UTRN: variants seen among roughly 807,000 people sequenced by gnomAD.
The protein encoded by UTRN is dystrophin-related protein 1.
Under a neutral mutation model 463.9 loss-of-function variants are expected in UTRN, and 283 were observed. That is an observed-to-expected ratio of 0.61 (90% confidence interval 0.55 to 0.67). The LOEUF (loss-of-function observed/expected upper bound fraction) is 0.67. Among genes scored for constraint, UTRN ranks in the 30% least tolerant of loss-of-function variants. The pLI is 0.00. For missense variants in UTRN, 3,922 were observed against 4,084.3 expected (o/e 0.96, Z 1.08); for synonymous variants, 1,442 against 1,431.5 (o/e 1.01, Z -0.17).
Position 144,765,499 on chromosome 6 carries a change from A to T in UTRN, c.8496-6408A>T, listed in dbSNP as rs149294289. Among the ~76,000 whole-genome samples the T allele has an allele frequency of 5.4e-3, 818 of 152,214 alleles. 5 individuals are homozygous for T. The highest frequency in any genetic ancestry group is 0.014 in the Middle Eastern group (4 of 294). On this transcript the variant is annotated intron_variant, in intron 58 of 74. Transcript: ENST00000367545. The stretch of plus-strand genomic sequence containing the variant: ...TGCAACCATGGCTCATTGCAGTCTT[A>T]TACTCCTGGCCTCAAGTGAACCTCC...
At position 144,539,293 on chromosome 6, in the gene UTRN, G is replaced by A; in HGVS notation, c.6370-1G>A. ...CCACACCTATCTTTTAACTTCTCCA[G>A]GACTTAACTCAAGAAATGGAAGTAC... On this transcript the variant is annotated splice_acceptor_variant, in intron 44 of 74. Coordinates refer to ENST00000367545, the MANE Select transcript of UTRN (RefSeq NM_007124.3). LOFTEE classifies it high-confidence loss of function. 6.2e-7 allele frequency: 1 copy of A among 1,606,828 alleles called. No homozygotes were observed. The highest frequency in any genetic ancestry group is 8.5e-7 in the Non-Finnish European group (1 of 1,176,460).
rs200829309 is a variant in UTRN at position 144,577,167 on chromosome 6, A to G, written c.7358A>G (p.Glu2453Gly). Residue 2453 changes from glutamate (E) to glycine (G), a missense_variant, in exon 51 of 75, where the codon GAA becomes GGA. By Grantham distance (98) the Glu-to-Gly change is moderately conservative. Transcript: ENST00000367545. ...GTGCAGGCCTCTCGCAGAGATCTGG[A>G]AAACTTCCTGAAGTGGATCCAAGAA... ...RTVQASRRDL[E>G]NFLKWIQEAE... 7.0e-5 allele frequency: 113 copies of G among 1,613,920 alleles called. No homozygotes were observed. Among genetic ancestry groups the G allele is most frequent in the Admixed American group, 1.0e-4 (6 of 59,980 alleles).
At chr6:144,315,772 G>T (rs1052214197) in intron 2 of UTRN, among the ~76,000 whole-genome samples, 1 of 152,186 alleles carries the variant, frequency 6.6e-6, no homozygotes, top group African/African-American at 2.4e-5. Flanking sequence ...ACAGATTTCA[G>T]GCAGCTTGGC....
chr6:144,695,524 T>G (rs1444516808), intron 52 of UTRN, among the ~76,000 whole-genome samples: 11 of 152,086 alleles, frequency 7.2e-5, no homozygotes. Flanking sequence ...TTTGTATTTT[T>G]AGTAGAGACG....
At chr6:144,773,059 A>G (rs1225107201) in intron 59 of UTRN, among the ~76,000 whole-genome samples, 1 of 152,116 alleles carries the variant, frequency 6.6e-6, no homozygotes, top group African/African-American at 2.4e-5. Flanking sequence ...AGTTTGTAAA[A>G]TGAGGGGGCA....
chr6:144,387,814 C>T (rs1781546197), intron 2 of UTRN, among the ~76,000 whole-genome samples: 2 of 152,182 alleles, frequency 1.3e-5, no homozygotes, highest in South Asian at 4.1e-4. Context: ...TGAGTGTTGG[C>T]ATCTACAGTA....
intron 14 of UTRN, among the ~76,000 whole-genome samples, chr6:144,445,745 C>A (rs1043035121): frequency 6.6e-6 from 1 of 151,962 alleles, no homozygotes; most frequent in African/African-American, 2.4e-5. Flanking sequence ...AATTTTACTT[C>A]AATAATGACA....
At chr6:144,732,214 T>G (rs974525152) in intron 54 of UTRN, among the ~76,000 whole-genome samples, 1 of 92,304 alleles carries the variant, frequency 1.1e-5, no homozygotes, top group Non-Finnish European at 2.0e-5. Context: ...GTACTCTGTT[T>G]TATATATATA....
chr6:144,824,535 A>G (rs2128754515), intron 66 of UTRN, among the ~76,000 whole-genome samples: 1 of 112,712 alleles, frequency 8.9e-6, no homozygotes, highest in South Asian at 3.4e-4. Flanking sequence ...ATACACAAAT[A>G]TAATACATAT....
intron 45 of UTRN, among the ~76,000 whole-genome samples, 166 bp from the exon 46 acceptor site, chr6:144,542,629 G>A (rs1293428176): frequency 6.6e-6 from 1 of 152,138 alleles, no homozygotes; most frequent in African/African-American, 2.4e-5. Context: ...TGGAGTTAGG[G>A]GCTCAAACAA....
chr6:144,418,245 G>A (rs1347006059), intron 3 of UTRN, among the ~76,000 whole-genome samples: 2 of 142,528 alleles, frequency 1.4e-5, no homozygotes, highest in African/African-American at 2.6e-5. Flanking sequence ...ATGGAGTCTC[G>A]CTCTGTCACC....
intron 2 of UTRN, among the ~76,000 whole-genome samples, chr6:144,293,217 G>A (rs1804400394): frequency 6.6e-6 from 1 of 152,126 alleles, no homozygotes; most frequent in African/African-American, 2.4e-5. Context: ...ATGGAAGAGA[G>A]ACGATTTAAT....
chr6:144,562,008 A>G (rs1382872483), intron 50 of UTRN, among the ~76,000 whole-genome samples: 1 of 152,062 alleles, frequency 6.6e-6, no homozygotes, highest in African/African-American at 2.4e-5. Context: ...TGCTTTTCTG[A>G]GTGCAGTATA....
At chr6:144,406,742 C>G (rs1444053864) in intron 3 of UTRN, among the ~76,000 whole-genome samples, 1 of 152,132 alleles carries the variant, frequency 6.6e-6, no homozygotes, top group African/African-American at 2.4e-5. Flanking sequence ...CTTCTGTAAG[C>G]TCTTTCGTTG....
chr6:144,433,355 G>C (rs1314807485), intron 9 of UTRN, among the ~76,000 whole-genome samples: 1 of 151,316 alleles, frequency 6.6e-6, no homozygotes, highest in Non-Finnish European at 1.5e-5. Flanking sequence ...CGGCTGGCCT[G>C]GCGGGGGCTG....
At chr6:144,746,686 A>G (rs1254901559) in intron 54 of UTRN, among the ~76,000 whole-genome samples, 2 of 152,024 alleles carry the variant, frequency 1.3e-5, no homozygotes, top group Non-Finnish European at 2.9e-5. Context: ...CATGTTGGCC[A>G]GGCTGGTCTC....
At position 144,421,880 on chromosome 6, in the gene UTRN, T is replaced by C. The variant is rs1166517947; in HGVS notation, c.144T>C (p.Ser48=). ...TTATTTGTGTTTTTCTTTTACAGAG[T>C]GGGAAACCACCCATCAATGATATGT... ...TKWINARFSK[S]GKPPINDMFT... The change falls in exon 4 of 75, where the codon AGT becomes AGC. Residue 48 remains serine, a splice_region_variant and synonymous_variant. Coordinates refer to ENST00000367545, the MANE Select transcript of UTRN (RefSeq NM_007124.3). The C allele has an allele frequency of 3.7e-6, 6 of 1,610,528 alleles. No homozygotes were observed. Among genetic ancestry groups the C allele is most frequent in the Non-Finnish European group, 5.1e-6 (6 of 1,178,512 alleles).
intron 50 of UTRN, among the ~76,000 whole-genome samples, chr6:144,557,631 T>C (rs1799509005): frequency 6.6e-6 from 1 of 152,100 alleles, no homozygotes; most frequent in Non-Finnish European, 1.5e-5. Flanking sequence ...CTTCTGATGG[T>C]AAGGAGTGCA....
intron 2 of UTRN, among the ~76,000 whole-genome samples, chr6:144,301,365 C>A (rs926347746): frequency 6.6e-6 from 1 of 152,002 alleles, no homozygotes; most frequent in African/African-American, 2.4e-5. Context: ...TTTCGGAACA[C>A]ATGCATATGC....
Sources: allele counts gnomAD v4.1 joint callset (sites outside exome capture counted in the v4.1 genomes callset), GRCh38; gene constraint gnomAD v4.1.1; transcripts MANE v1.5; gene names NCBI Gene and HGNC (gene_info 2026-07-23, HGNC 2026-07-21).